Variants in LRRC37A2 observed in about 807,000 individuals in gnomAD.
LRRC37A2 encodes leucine-rich repeat-containing protein 37A2.
In LRRC37A2, 9 loss-of-function variants were observed where a neutral mutation model predicts 68.8. That is an observed-to-expected ratio of 0.13 (90% CI 0.08 to 0.23). LRRC37A2 has a LOEUF of 0.23. LRRC37A2 is among the 10% of genes least tolerant of loss of function. The pLI, the probability that LRRC37A2 is intolerant of heterozygous loss-of-function variation, is 1.00. For missense variants in LRRC37A2, 168 were observed against 950.4 expected (o/e 0.18, Z 10.82); for synonymous variants, 63 against 367.6 (o/e 0.17, Z 9.48).
At chr17:46,595,649 G>A in the LRRC37A2 span, among the ~76,000 whole-genome samples, 1 of 126,592 alleles carries the variant, frequency 7.9e-6, no homozygotes, top group Non-Finnish European at 1.5e-5. Flanking sequence ...GTGCCACCAC[G>A]CCCAGCTAAT....
At chr17:46,872,174 C>G in the LRRC37A2 span, among the ~76,000 whole-genome samples, 1 of 152,294 alleles carries the variant, frequency 6.6e-6, no homozygotes, top group Middle Eastern at 3.4e-3. Context: ...AGGCCCAATT[C>G]CAAACCAATA....
chr17:47,014,249 G>C, the LRRC37A2 span, among the ~76,000 whole-genome samples: 1 of 151,082 alleles, frequency 6.6e-6, no homozygotes, highest in Non-Finnish European at 1.5e-5. Flanking sequence ...AATTAGCTGG[G>C]TGTGGTGGCG....
chr17:46,961,566 C>G, the LRRC37A2 span, among the ~76,000 whole-genome samples: 9 of 151,954 alleles, frequency 5.9e-5, no homozygotes, highest in African/African-American at 2.2e-4. Flanking sequence ...AAAAGTGTAG[C>G]AACAGCAAAT....
At chr17:46,719,286 G>A in the LRRC37A2 span, among the ~76,000 whole-genome samples, 4 of 152,136 alleles carry the variant, frequency 2.6e-5, no homozygotes, top group Non-Finnish European at 1.5e-5. This position sits in a 1 kb window ranked among gnomAD's most constrained non-coding sequence, Gnocchi z 4.3. Context: ...AATTCATAGA[G>A]CATCTTTACC....
At chr17:46,790,095 C>A in the LRRC37A2 span, among the ~76,000 whole-genome samples, 1 of 152,144 alleles carries the variant, frequency 6.6e-6, no homozygotes, top group Non-Finnish European at 1.5e-5. Flanking sequence ...CATCCCCAGG[C>A]GAGGCAGTCC....
At chr17:46,678,438 T>C in the LRRC37A2 span, among the ~76,000 whole-genome samples, 1 of 143,456 alleles carries the variant, frequency 7.0e-6, no homozygotes, top group Non-Finnish European at 1.5e-5. Context: ...CTGAAAGATA[T>C]AAGATGAAAA....
chr17:46,723,553 TG>T, the LRRC37A2 span, among the ~76,000 whole-genome samples: 1 of 152,200 alleles, frequency 6.6e-6, no homozygotes, highest in Admixed American at 6.5e-5. Flanking sequence ...TTTCTGTGTT[TG>T]GGGAGGAGAA....
the LRRC37A2 span, chr17:46,922,820 T>A: frequency 3.6e-6 from 1 of 274,690 alleles, no homozygotes; most frequent in Non-Finnish European, 7.0e-6. Flanking sequence ...CCTCCAGTCC[T>A]CTCTGCGGCA....
chr17:46,947,502 G>T, the LRRC37A2 span, among the ~76,000 whole-genome samples: 2 of 152,166 alleles, frequency 1.3e-5, no homozygotes, highest in African/African-American at 4.8e-5. Context: ...TGTCAGGCTG[G>T]TGTGGGTGTG....
the LRRC37A2 span, among the ~76,000 whole-genome samples, chr17:46,977,204 C>T: frequency 2.6e-5 from 4 of 152,334 alleles, no homozygotes; most frequent in South Asian, 8.3e-4. Flanking sequence ...CACGGGATCG[C>T]ATTCCCTTCG....
At chr17:46,746,863 AAATT>A in the LRRC37A2 span, among the ~76,000 whole-genome samples, 9 of 152,232 alleles carry the variant, frequency 5.9e-5, no homozygotes, top group African/African-American at 2.2e-4. Context: ...ATTATAATGA[AAATT>A]AATTGAGAGA....
chr17:46,738,905 C>A, the LRRC37A2 span, among the ~76,000 whole-genome samples: 1 of 152,210 alleles, frequency 6.6e-6, no homozygotes, highest in South Asian at 2.1e-4. Flanking sequence ...ACTTCTAGAC[C>A]AGCCTGGGCA....
chr17:46,818,432 C>T, the LRRC37A2 span: 1 of 1,375,804 alleles, frequency 7.3e-7, no homozygotes, highest in Non-Finnish European at 1.0e-6. Context: ...CCCAGCCCTG[C>T]AGCGGCCCAC....
chr17:46,732,512 T>C, the LRRC37A2 span, among the ~76,000 whole-genome samples: 1 of 152,186 alleles, frequency 6.6e-6, no homozygotes, highest in African/African-American at 2.4e-5. Context: ...GAATTTTAAA[T>C]TTTTCTAAGT....
chr17:46,791,141 T>C, the LRRC37A2 span, among the ~76,000 whole-genome samples: 20 of 152,208 alleles, frequency 1.3e-4, no homozygotes, highest in African/African-American at 4.3e-4. Flanking sequence ...CCCTACTGGG[T>C]TGGGGGCTCC....
At chr17:46,712,497 G>A in the LRRC37A2 span, among the ~76,000 whole-genome samples, 1 of 152,136 alleles carries the variant, frequency 6.6e-6, no homozygotes, top group Non-Finnish European at 1.5e-5. Context: ...ACTAAGATTG[G>A]GAACACTAAT....
chr17:46,931,528 T>C, the LRRC37A2 span: 1 of 411,518 alleles, frequency 2.4e-6, no homozygotes, highest in Non-Finnish European at 4.4e-6. Flanking sequence ...TTTGTTCTGC[T>C]CTTTGGTTCC....
At chr17:46,888,474 A>G in the LRRC37A2 span, among the ~76,000 whole-genome samples, 24 of 152,314 alleles carry the variant, frequency 1.6e-4, no homozygotes, top group Non-Finnish European at 3.1e-4. Flanking sequence ...CTCTACTGAT[A>G]TATTCCTGGG....
the LRRC37A2 span, chr17:46,938,661 G>A: frequency 1.2e-6 from 2 of 1,614,118 alleles, no homozygotes; most frequent in South Asian, 1.1e-5. Context: ...CAGTGATGCG[G>A]CTCATCGAGA....
Sources: allele counts gnomAD v4.1 joint callset (sites outside exome capture counted in the v4.1 genomes callset), GRCh38; gene constraint gnomAD v4.1.1; non-coding constraint Gnocchi (gnomAD v3.1); transcripts MANE v1.5; gene names NCBI Gene and HGNC (gene_info 2026-07-23, HGNC 2026-07-21).